The following NRG1 variants were observed in gnomAD, a reference collection of about 807,000 sequenced individuals.
NRG1 encodes neuregulin 1, also known as pro-neuregulin-1, membrane-bound isoform.
A neutral mutation model predicts 63.8 loss-of-function variants in NRG1; 18 were observed. The observed-to-expected ratio is 0.28, with a 90% CI of 0.19 to 0.42. The LOEUF (loss-of-function observed/expected upper bound fraction) is 0.42, where lower values mean the gene tolerates loss of function less well. Ranked by LOEUF, NRG1 falls within the 10% of genes least tolerant of loss-of-function variation. The pLI is 1.00. For missense variants in NRG1, 762 were observed against 814.7 expected (o/e 0.94, Z 0.79); for synonymous variants, 302 against 301.3 (o/e 1.00, Z -0.02).
chr8:31,964,446 G>C (rs1418757568), intron 1 of NRG1, among the ~76,000 whole-genome samples: 1 of 152,184 alleles, frequency 6.6e-6, no homozygotes, highest in African/African-American at 2.4e-5. Flanking sequence ...AAGGCAGGAA[G>C]ATTACTTGAG....
At chr8:32,283,531 T>C (rs16879112) in intron 1 of NRG1, among the ~76,000 whole-genome samples, 7,359 of 152,224 alleles carry the variant, frequency 0.048, 462 homozygotes, top group African/African-American at 0.14. Context: ...TAGTAAAATA[T>C]ATTTGGGGCT....
At chr8:32,723,435 A>T (rs1467793991) in intron 5 of NRG1, among the ~76,000 whole-genome samples, 1 of 152,024 alleles carries the variant, frequency 6.6e-6, no homozygotes, top group East Asian at 1.9e-4. Flanking sequence ...TAATCCCAGC[A>T]ATTTGGGAGG....
chr8:32,045,049 T>G (rs1052745169), intron 1 of NRG1, among the ~76,000 whole-genome samples: 2 of 151,632 alleles, frequency 1.3e-5, no homozygotes, highest in African/African-American at 4.8e-5. Flanking sequence ...TGAAAGAGAT[T>G]AATCAAATTG....
At chr8:31,639,904 AG>A in intron 1 of NRG1, 2 of 1,089,800 alleles carry the variant, frequency 1.8e-6, no homozygotes, top group Non-Finnish European at 2.2e-6. Flanking sequence ...TGGTGCTGCG[AG>A]GGGAAGGAAA....
At chr8:31,795,572 A>G (rs1821124150) in intron 1 of NRG1, among the ~76,000 whole-genome samples, 1 of 152,152 alleles carries the variant, frequency 6.6e-6, no homozygotes, top group South Asian at 2.1e-4. Context: ...AAACCACAAG[A>G]CATTTTAAAA....
intron 1 of NRG1, among the ~76,000 whole-genome samples, chr8:32,324,490 G>A (rs1289423191): frequency 6.6e-6 from 1 of 152,172 alleles, no homozygotes; most frequent in Non-Finnish European, 1.5e-5. Flanking sequence ...TGTAGCAAAA[G>A]GAATGGGTGG....
intron 1 of NRG1, among the ~76,000 whole-genome samples, chr8:32,354,512 G>T (rs1806089209): frequency 6.6e-6 from 1 of 152,140 alleles, no homozygotes; most frequent in African/African-American, 2.4e-5. Flanking sequence ...AGGACCTTTT[G>T]GAGGTGATAG....
At chr8:32,547,286 G>A (rs1833170788), upstream of NRG1, among the ~76,000 whole-genome samples, 1 of 152,104 alleles carries the variant, frequency 6.6e-6, no homozygotes, top group Non-Finnish European at 1.5e-5. Flanking sequence ...AAGGGAAGGA[G>A]TAGGTTTCAC....
At chr8:32,559,675 T>A (rs1835974495) in intron 1 of NRG1, among the ~76,000 whole-genome samples, 1 of 152,030 alleles carries the variant, frequency 6.6e-6, no homozygotes, top group Non-Finnish European at 1.5e-5. Context: ...TTTTAAAGAA[T>A]TACTTTTGTG....
intron 1 of NRG1, among the ~76,000 whole-genome samples, chr8:32,201,950 TATA>T (rs1563903539): frequency 6.6e-6 from 1 of 152,138 alleles, no homozygotes; most frequent in Non-Finnish European, 1.5e-5. Context: ...GAAATATTTA[TATA>T]ATATTTTCAG....
intron 1 of NRG1, among the ~76,000 whole-genome samples, chr8:31,975,460 C>T (rs906914268): frequency 2.0e-5 from 3 of 152,080 alleles, no homozygotes; most frequent in South Asian, 4.1e-4. Context: ...ATGAATAGGA[C>T]ATGTTAACTT....
chr8:32,694,671 C>T (rs2975498), intron 5 of NRG1, among the ~76,000 whole-genome samples: 108,522 of 152,152 alleles, frequency 0.71, 39,332 homozygotes, highest in Non-Finnish European at 0.79. Context: ...TTAAGCAGAA[C>T]GTGTGGGTGT....
intron 1 of NRG1, among the ~76,000 whole-genome samples, chr8:31,754,813 A>G (rs1273262036): frequency 6.6e-6 from 1 of 152,112 alleles, no homozygotes; most frequent in Non-Finnish European, 1.5e-5. Flanking sequence ...GGACAATGTT[A>G]TAGTTACAAA....
intron 1 of NRG1, among the ~76,000 whole-genome samples, chr8:32,197,519 G>A (rs1843080850): frequency 6.6e-6 from 1 of 152,116 alleles, no homozygotes; most frequent in Admixed American, 6.5e-5. Flanking sequence ...TTGCCTTTTG[G>A]CAACGTTTAT....
At chr8:32,344,492 T>G (rs1804598525) in intron 1 of NRG1, among the ~76,000 whole-genome samples, 1 of 148,922 alleles carries the variant, frequency 6.7e-6, no homozygotes, top group African/African-American at 2.5e-5. Context: ...AGTGCACTGG[T>G]ACAATCTTGG....
intron 1 of NRG1, among the ~76,000 whole-genome samples, chr8:31,819,623 T>C (rs551977159): frequency 1.3e-5 from 2 of 152,330 alleles, no homozygotes; most frequent in African/African-American, 2.4e-5. Flanking sequence ...ATAACATTAA[T>C]GACAGTGAAC....
chr8:32,449,021 AT>A (rs1820630974), intron 1 of NRG1, among the ~76,000 whole-genome samples: 1 of 152,166 alleles, frequency 6.6e-6, no homozygotes, highest in Non-Finnish European at 1.5e-5. Context: ...TCGGCCGGGC[AT>A]GATGGCTCAC....
At chr8:31,947,850 G>A (rs921487072) in intron 1 of NRG1, among the ~76,000 whole-genome samples, 2 of 148,828 alleles carry the variant, frequency 1.3e-5, no homozygotes, top group Admixed American at 1.4e-4. Flanking sequence ...GGATGCTGAG[G>A]CAGGAGAATC....
At chr8:32,513,638 C>T (rs919708120) in intron 1 of NRG1, among the ~76,000 whole-genome samples, 1 of 152,020 alleles carries the variant, frequency 6.6e-6, no homozygotes, top group Admixed American at 6.6e-5. Context: ...TATGCAAATC[C>T]AACCAGAAGT....
Sources: allele counts gnomAD v4.1 joint callset (sites outside exome capture counted in the v4.1 genomes callset), GRCh38; gene constraint gnomAD v4.1.1; transcripts MANE v1.5; gene names NCBI Gene and HGNC (gene_info 2026-07-23, HGNC 2026-07-21).